FHIT: variants seen among roughly 807,000 people sequenced by gnomAD.
FHIT encodes bis(5'-adenosyl)-triphosphatase.
FHIT carries 19 observed loss-of-function variants against 17.9 expected under a neutral mutation model. That is an observed-to-expected ratio of 1.06 (90% CI 0.74 to 1.56). The LOEUF (loss-of-function observed/expected upper bound fraction) is 1.56. FHIT is among the 40% of genes most tolerant of loss of function. The pLI, the probability that FHIT is intolerant of heterozygous loss-of-function variation, is 0.00. For synonymous variants in FHIT, 81 were observed against 69.7 expected (o/e 1.16, Z -0.81); for missense variants, 248 against 189.2 (o/e 1.31, Z -1.82).
chr3:59,931,576 G>A (rs1384537920), intron 7 of FHIT, among the ~76,000 whole-genome samples: 4 of 152,116 alleles, frequency 2.6e-5, no homozygotes, highest in Non-Finnish European at 5.9e-5. Flanking sequence ...CAGTTGGTAT[G>A]CCTTTCAGGA....
intron 8 of FHIT, among the ~76,000 whole-genome samples, chr3:59,804,723 T>C (rs1204456150): frequency 6.6e-6 from 1 of 152,204 alleles, no homozygotes; most frequent in Admixed American, 6.5e-5. Flanking sequence ...ATCAGCCTTA[T>C]GTTCCCTGCC....
At chr3:61,122,711 CAAAAG>C (rs1412682036) in intron 2 of FHIT, among the ~76,000 whole-genome samples, 1 of 152,080 alleles carries the variant, frequency 6.6e-6, no homozygotes, top group Non-Finnish European at 1.5e-5. Context: ...AGTCACTTCT[CAAAAG>C]AAGACATTTA....
At chr3:60,588,610 G>T (rs2037981436) in intron 4 of FHIT, among the ~76,000 whole-genome samples, 1 of 152,004 alleles carries the variant, frequency 6.6e-6, no homozygotes, top group African/African-American at 2.4e-5. Flanking sequence ...TGGGATCCAA[G>T]ACTGCATTTG....
chr3:59,778,435 G>C (rs1420938599), intron 8 of FHIT, among the ~76,000 whole-genome samples: 1 of 152,008 alleles, frequency 6.6e-6, no homozygotes, highest in South Asian at 2.1e-4. Context: ...TTGTATTGTA[G>C]CATGTAGTTT....
At chr3:59,893,923 G>C (rs999739449) in intron 8 of FHIT, among the ~76,000 whole-genome samples, 2 of 149,436 alleles carry the variant, frequency 1.3e-5, no homozygotes, top group Non-Finnish European at 3.0e-5. Flanking sequence ...TTTAAACTCA[G>C]TGGAAAACAG....
At chr3:60,594,811 T>C (rs1248838100) in intron 4 of FHIT, among the ~76,000 whole-genome samples, 1 of 152,058 alleles carries the variant, frequency 6.6e-6, no homozygotes, top group Non-Finnish European at 1.5e-5. Context: ...GCCTGGGCCC[T>C]CTGCTAGGAG....
chr3:60,018,049 G>T (rs969868611), intron 5 of FHIT, among the ~76,000 whole-genome samples: 7 of 152,202 alleles, frequency 4.6e-5, no homozygotes, highest in African/African-American at 1.7e-4. Flanking sequence ...AAAGAAAAGA[G>T]GTTTATCTGG....
intron 4 of FHIT, among the ~76,000 whole-genome samples, chr3:60,653,601 T>C (rs1279215483): frequency 6.6e-6 from 1 of 152,150 alleles, no homozygotes; most frequent in South Asian, 2.1e-4. Context: ...AGGAATCTAC[T>C]TGATACCAAG....
chr3:61,250,318 G>T (rs1164541207), intron 1 of FHIT, among the ~76,000 whole-genome samples: 1 of 152,228 alleles, frequency 6.6e-6, no homozygotes, highest in Non-Finnish European at 1.5e-5. Flanking sequence ...GTGCGAGTAG[G>T]GACCACCCTT....
chr3:59,812,167 T>C (rs1027192492), intron 8 of FHIT, among the ~76,000 whole-genome samples: 2 of 152,124 alleles, frequency 1.3e-5, no homozygotes, highest in African/African-American at 2.4e-5. Context: ...CGATCAGCCA[T>C]GCACACGACA....
intron 3 of FHIT, among the ~76,000 whole-genome samples, chr3:60,862,916 A>G (rs1340442994): frequency 1.3e-5 from 2 of 151,972 alleles, no homozygotes; most frequent in East Asian, 1.9e-4. Context: ...AGGTGCTGCC[A>G]TGAAGAGACT....
chr3:60,855,573 C>G (rs1703348629), intron 3 of FHIT, among the ~76,000 whole-genome samples: 1 of 152,052 alleles, frequency 6.6e-6, no homozygotes, highest in African/African-American at 2.4e-5. Context: ...CTCCTGTTTT[C>G]TCATAGTAAT....
chr3:60,572,036 G>C lies in FHIT; in HGVS notation c.-17-35057C>G, dbSNP rs56118886. Among the ~76,000 whole-genome samples the C allele has an allele frequency of 3.5e-4, 53 of 151,564 alleles. No homozygotes were observed. In the South Asian group the frequency reaches 9.6e-3, roughly 27 times the overall value. On this transcript the variant is annotated intron_variant, in intron 4 of 9. Coordinates refer to ENST00000492590, the MANE Select transcript of FHIT (RefSeq NM_002012.4). ...AGGTTTTCTTTCTTTCTTTTTTTTG[G>C]GGGGGAAGATTTAACAGGCATTACT... is the stretch of plus-strand genomic sequence containing the variant.
At chr3:60,682,537 T>C (rs1336245351) in intron 4 of FHIT, among the ~76,000 whole-genome samples, 1 of 152,210 alleles carries the variant, frequency 6.6e-6, no homozygotes, top group Non-Finnish European at 1.5e-5. Context: ...TAGATGACAG[T>C]ACATCTGTTT....
chr3:60,863,602 A>G (rs1704022066), intron 3 of FHIT, among the ~76,000 whole-genome samples: 1 of 152,176 alleles, frequency 6.6e-6, no homozygotes, highest in Non-Finnish European at 1.5e-5. Context: ...GAATAAATTA[A>G]TGCACTCATA....
intron 2 of FHIT, among the ~76,000 whole-genome samples, chr3:61,052,668 T>C (rs1687956076): frequency 6.6e-6 from 1 of 152,156 alleles, no homozygotes; most frequent in Non-Finnish European, 1.5e-5. Flanking sequence ...TCTAAATCCT[T>C]ACTCTCAATT....
In FHIT at chr3:60,744,271, A is replaced by AAAAAAAC. The variant is rs2042308889; in HGVS notation, c.-18+77647_-18+77648insGTTTTTT. Among the ~76,000 whole-genome samples the AAAAAAAC allele has an allele frequency of 5.7e-3, 297 of 52,040 alleles. 1 individual carries two copies. Among genetic ancestry groups the AAAAAAAC allele is most frequent in the East Asian group, 0.011 (11 of 960 alleles). 34.1% of individuals were successfully genotyped at this position (52,040 alleles called of 152,430 possible). On this transcript the variant is annotated intron_variant, in intron 4 of 9. Coordinates refer to ENST00000492590, the MANE Select transcript of FHIT (RefSeq NM_002012.4). ...TAAAAAAAAAAACAAAACAAAACAA[A>AAAAAAAC]AAAAAAAAAAAACAGAAAGAAAAGA...
chr3:59,858,993 C>G (rs1702294599), intron 8 of FHIT, among the ~76,000 whole-genome samples: 1 of 152,062 alleles, frequency 6.6e-6, no homozygotes, highest in Admixed American at 6.6e-5. Context: ...GCATTGACAT[C>G]ACAGGAACAA....
intron 5 of FHIT, among the ~76,000 whole-genome samples, chr3:60,015,290 G>A (rs1425834435): frequency 1.3e-5 from 2 of 152,136 alleles, no homozygotes; most frequent in Non-Finnish European, 2.9e-5. Context: ...TTCCATAAGA[G>A]AGAGGGGAAG....
Sources: gnomAD v4.1 joint callset for allele counts (sites outside exome capture counted in the v4.1 genomes callset) on GRCh38, gnomAD v4.1.1 for gene constraint, MANE v1.5 for transcripts, NCBI Gene and HGNC (gene_info 2026-07-23, HGNC 2026-07-21) for gene names.